The following AFAP1L1 variants were observed in gnomAD, a reference collection of about 807,000 sequenced individuals.
AFAP1L1 encodes the protein actin filament-associated protein 1-like 1.
Under a neutral mutation model 99.8 loss-of-function variants are expected in AFAP1L1, and 77 were observed. That is an observed-to-expected ratio of 0.77 (90% confidence interval 0.64 to 0.93). The LOEUF (loss-of-function observed/expected upper bound fraction) is 0.93, where lower values mean the gene tolerates loss of function less well. Ranked by LOEUF, AFAP1L1 falls within the 40% of genes least tolerant of loss-of-function variation. AFAP1L1 has a pLI of 0.00. For missense variants in AFAP1L1, 893 were observed against 996.8 expected (o/e 0.90, Z 1.40); for synonymous variants, 373 against 395.3 (o/e 0.94, Z 0.67).
chr5:149,332,273 T>G (rs540753336), intron 16 of AFAP1L1, among the ~76,000 whole-genome samples: 24 of 152,170 alleles, frequency 1.6e-4, no homozygotes, highest in Admixed American at 4.6e-4. Flanking sequence ...GGCGTGTGCC[T>G]GTAGTCCCAG....
intron 11 of AFAP1L1, 56 bp from the exon 12 acceptor site, chr5:149,317,673 G>C: frequency 6.3e-7 from 1 of 1,590,076 alleles, no homozygotes; most frequent in Non-Finnish European, 8.6e-7. Flanking sequence ...GCCGCCTTGC[G>C]TCCCCATGCT....
At chr5:149,297,911 G>C (rs1756067819) in intron 1 of AFAP1L1, among the ~76,000 whole-genome samples, 1 of 152,240 alleles carries the variant, frequency 6.6e-6, no homozygotes, top group African/African-American at 2.4e-5. Flanking sequence ...CTTGTGGTGA[G>C]CATTCACTCT....
At chr5:149,272,257 A>G (rs560646148) in intron 1 of AFAP1L1, among the ~76,000 whole-genome samples, 1 of 152,292 alleles carries the variant, frequency 6.6e-6, no homozygotes, top group East Asian at 1.9e-4. Context: ...AACTTCATAA[A>G]AGATCCCCCT....
Position 149,316,322 on chromosome 5 carries a change from G to T in AFAP1L1, c.1267+19G>T. 6.2e-7 allele frequency: 1 copy of T among 1,609,930 alleles called. No homozygotes were observed. The highest frequency in any genetic ancestry group is 8.5e-7 in the Non-Finnish European group (1 of 1,177,368). On this transcript the variant is annotated intron_variant, in intron 11 of 18. Coordinates refer to ENST00000296721, the MANE Select transcript of AFAP1L1 (RefSeq NM_152406.4). The stretch of plus-strand genomic sequence containing the variant: ...TGCTGTGGTGGGTCCAGGGCACGGG[G>T]AGGAAGGGTGCTCAGGTCCTGTGTG...
intron 1 of AFAP1L1, among the ~76,000 whole-genome samples, chr5:149,274,079 G>C (rs1015859807): frequency 1.3e-5 from 2 of 152,134 alleles, no homozygotes; most frequent in Admixed American, 6.5e-5. Context: ...CTCCCTGCAG[G>C]CTTTTCTAGC....
chr5:149,329,840 T>A lies in AFAP1L1; in HGVS notation c.1975+10T>A. The A allele has an allele frequency of 6.2e-7, 1 of 1,602,154 alleles. No individual in the cohort carries two copies. The highest frequency in any genetic ancestry group is 2.2e-5 in the East Asian group (1 of 44,594). On this transcript the variant is annotated intron_variant, in intron 16 of 18. Coordinates refer to ENST00000296721, the MANE Select transcript of AFAP1L1 (RefSeq NM_152406.4). ...ATTCGGAGCAGCCCAGGTACCTATG[T>A]GGGTGTGGTCCTGAGCACCTATGGG...
intron 9 of AFAP1L1, 81 bp downstream of exon 9, chr5:149,312,285 C>T (rs1333412354): frequency 3.5e-6 from 5 of 1,434,704 alleles, no homozygotes; most frequent in South Asian, 3.4e-5. Context: ...AACTAACTGG[C>T]TGGGGGGAAA....
chr5:149,272,020 G>A, intron 1 of AFAP1L1, 36 bp downstream of exon 1: 1 of 1,239,640 alleles, frequency 8.1e-7, no homozygotes, highest in African/African-American at 1.6e-5. Flanking sequence ...TTGTTGCGGC[G>A]CCGGGCGGGA....
intron 1 of AFAP1L1, among the ~76,000 whole-genome samples, chr5:149,286,622 T>C (rs1412865240): frequency 1.4e-5 from 2 of 147,800 alleles, no homozygotes; most frequent in Non-Finnish European, 1.5e-5. Context: ...ATGAGTTCCG[T>C]TGTTTGATTG....
chr5:149,302,681 C>A, intron 5 of AFAP1L1, 155 bp downstream of exon 5: 1 of 652,890 alleles, frequency 1.5e-6, no homozygotes, highest in Middle Eastern at 3.8e-4. Flanking sequence ...GGGCACCTGG[C>A]CTCTTCGGTG....
chr5:149,273,755 C>A (rs374529485), intron 1 of AFAP1L1, among the ~76,000 whole-genome samples: 72 of 152,066 alleles, frequency 4.7e-4, no homozygotes, highest in African/African-American at 1.7e-3. Context: ...GCAAATACCA[C>A]CATCCCCCCT....
chr5:149,299,449 T>C (rs995785173), intron 1 of AFAP1L1, 60 bp from the exon 2 acceptor site: 15 of 1,594,786 alleles, frequency 9.4e-6, no homozygotes, highest in East Asian at 2.2e-5. Context: ...GGGGCCGAAC[T>C]CCCGGGCACA....
intron 1 of AFAP1L1, among the ~76,000 whole-genome samples, chr5:149,280,060 T>C (rs1302715210): frequency 6.6e-6 from 1 of 152,222 alleles, no homozygotes; most frequent in Non-Finnish European, 1.5e-5. Flanking sequence ...TAAATGTCTG[T>C]TGAGATGATG....
At chr5:149,304,760 G>A (rs913746862) in intron 5 of AFAP1L1, among the ~76,000 whole-genome samples, 1 of 152,146 alleles carries the variant, frequency 6.6e-6, no homozygotes, top group Admixed American at 6.5e-5. Context: ...GATGTCCAGC[G>A]TCTGAGGCCT....
intron 18 of AFAP1L1, among the ~76,000 whole-genome samples, chr5:149,337,601 G>A (rs1487026394): frequency 1.3e-5 from 2 of 152,164 alleles, no homozygotes; most frequent in Non-Finnish European, 2.9e-5. Context: ...ATTTCACAGC[G>A]GAGAAGACTG....
Position 149,284,849 on chromosome 5 carries a change from G to A in AFAP1L1, c.16+12865G>A, listed in dbSNP as rs1191430377. The stretch of plus-strand genomic sequence containing the variant: ...AAAGAGGTGGCCAGTTAGGAGGTAG[G>A]GCAAATATCTCAGGTGAGCAGCAGA... On this transcript the variant is annotated intron_variant, in intron 1 of 18. Coordinates refer to ENST00000296721, the MANE Select transcript of AFAP1L1 (RefSeq NM_152406.4). 2.0e-5 allele frequency among the ~76,000 whole-genome samples: 3 copies of A among 152,230 alleles called. No homozygotes were observed. In the East Asian group the frequency reaches 5.8e-4, roughly 29 times the overall value.
chr5:149,314,208 C>A (rs1756726990), intron 9 of AFAP1L1, among the ~76,000 whole-genome samples: 1 of 152,202 alleles, frequency 6.6e-6, no homozygotes, highest in Admixed American at 6.5e-5. Flanking sequence ...GGAGGAGAAG[C>A]TCAACCCTAT....
At chr5:149,303,576 T>A (rs1756300044) in intron 5 of AFAP1L1, among the ~76,000 whole-genome samples, 2 of 152,228 alleles carry the variant, frequency 1.3e-5, no homozygotes, top group Admixed American at 1.3e-4. Flanking sequence ...ATTTCTAAAA[T>A]GAATTCTGAT....
chr5:149,297,022 G>A (rs1033465369), intron 1 of AFAP1L1, among the ~76,000 whole-genome samples: 38 of 152,126 alleles, frequency 2.5e-4, no homozygotes, highest in Admixed American at 2.3e-3. Flanking sequence ...CTCCCACTGG[G>A]TCTCTCCCAT....
Sources: allele counts gnomAD v4.1 joint callset (sites outside exome capture counted in the v4.1 genomes callset), GRCh38; gene constraint gnomAD v4.1.1; transcripts MANE v1.5; gene names NCBI Gene and HGNC (gene_info 2026-07-23, HGNC 2026-07-21).